The following THAP6 variants were observed in gnomAD, a reference collection of about 807,000 sequenced individuals.
THAP6 encodes THAP domain containing 6, also known as THAP domain-containing protein 6.
A neutral mutation model predicts 20.0 loss-of-function variants in THAP6; 13 were observed. The observed-to-expected ratio is 0.65, with a 90% CI of 0.42 to 1.03. THAP6 has a LOEUF of 1.03. Among genes scored for constraint, THAP6 ranks in the 50% least tolerant of loss-of-function variants. The probability of loss-of-function intolerance (pLI) is 0.00; values close to 1 mark genes in which losing one functional copy is unlikely to be tolerated. For synonymous variants in THAP6, 93 were observed against 92.2 expected (o/e 1.01, Z -0.05); for missense variants, 262 against 261.6 (o/e 1.00, Z -0.01).
chr4:75,527,133 C>G lies in THAP6; in HGVS notation c.588C>G (p.Ile196Met), dbSNP rs1490695850. The G allele has an allele frequency of 6.2e-7, 1 of 1,614,122 alleles. No individual in the cohort carries two copies. Among genetic ancestry groups the G allele is most frequent in the South Asian group, 1.1e-5 (1 of 91,074 alleles). The change falls in exon 5 of 5, where the codon ATC becomes ATG. Residue 196 changes from isoleucine to methionine, a missense_variant. Physicochemically the swap from Ile to Met is conservative, Grantham distance 10. Transcript: ENST00000311638. ...TIRELKDECL[I>M]SQETANRLDT... ...GGGAATTAAAGGATGAATGTCTGAT[C>G]AGCCAAGAAACAGCAAATAGACTGG...
chr4:75,514,085 T>G, upstream of THAP6: 1 of 1,490,276 alleles, frequency 6.7e-7, no homozygotes, highest in Non-Finnish European at 9.1e-7. Flanking sequence ...GGAAAAGGTA[T>G]CCTGAAAATC....
chr4:75,523,878 T>G (rs1726197921), intron 4 of THAP6, among the ~76,000 whole-genome samples: 1 of 151,968 alleles, frequency 6.6e-6, no homozygotes, highest in Non-Finnish European at 1.5e-5. Context: ...TGTTTTCTTG[T>G]AGTCGTTTCA....
intron 4 of THAP6, chr4:75,522,451 A>G (rs1726089701): frequency 3.3e-5 from 5 of 152,162 alleles, no homozygotes; most frequent in Admixed American, 2.6e-4. Flanking sequence ...AAAAAATCCA[A>G]TTATACTTTT....
rs773735442 is a variant in THAP6, at chr4:75,527,054, G to C, written c.509G>C (p.Arg170Pro). Residue 170 changes from arginine to proline, a missense_variant, in exon 5 of 5, where the codon CGG (arginine) becomes CCG (proline). By Grantham distance (103) the Arg-to-Pro change is moderately radical. Transcript: ENST00000311638. Reference sequence around the variant, plus strand: ...CTAGAGGATACAAAGGAAAGTCTACGGAATGTTTTAGACCGAGAAAAACGT... The same window carrying C: ...CTAGAGGATACAAAGGAAAGTCTACCGAATGTTTTAGACCGAGAAAAACGT... ...GELEDTKESL[R>P]NVLDREKRFQ... 5 of 1,614,012 alleles carry C rather than the reference G, an allele frequency of 3.1e-6. No individual in the cohort carries two copies. In the South Asian group the frequency reaches 5.5e-5, roughly 18 times the overall value.
chr4:75,539,785 T>A (rs1489707634), intron 2 of THAP6: 69 of 1,526,550 alleles, frequency 4.5e-5, no homozygotes, highest in Non-Finnish European at 5.3e-5. Context: ...TTTCATTGCG[T>A]ATAAAACGTA....
Position 75,529,706 on chromosome 4 carries a change from A to T in THAP6, c.*2492A>T. The T allele has an allele frequency of 2.0e-6, 2 of 985,452 alleles. No individual in the cohort carries two copies. Among genetic ancestry groups the T allele is most frequent in the South Asian group, 4.7e-5 (1 of 21,286 alleles). 61.0% of individuals were successfully genotyped at this position (985,452 alleles called of 1,614,324 possible). ...TTCTCTGGCAGCCAAGCCTGACCCTAAGGGTTCCACTTTGCTTTAAAAGCT... is the reference window on the plus strand; with the variant it reads ...TTCTCTGGCAGCCAAGCCTGACCCTTAGGGTTCCACTTTGCTTTAAAAGCT... On this transcript the variant is annotated 3_prime_UTR_variant, in exon 5 of 5. Coordinates refer to ENST00000311638, the MANE Select transcript of THAP6 (RefSeq NM_144721.6).
intron 4 of THAP6, among the ~76,000 whole-genome samples, chr4:75,526,470 A>C (rs1340013162): frequency 6.6e-6 from 1 of 152,214 alleles, no homozygotes; most frequent in Non-Finnish European, 1.5e-5. Flanking sequence ...AAACACCAAG[A>C]GGAGTTGTCT....
chr4:75,527,255 A>G lies in THAP6; in HGVS notation c.*41A>G, dbSNP rs1464265670. The G allele has an allele frequency of 1.9e-6, 3 of 1,573,870 alleles. No homozygotes were observed. The highest frequency in any genetic ancestry group is 1.2e-5 in the South Asian group (1 of 85,596). ...CGTTCCACCTAAAATTGTCATTGGT[A>G]CAAATTTTTATAAAATCTCATTTAC... is the stretch of plus-strand genomic sequence containing the variant. On this transcript the variant is annotated 3_prime_UTR_variant, in exon 5 of 5. Coordinates refer to ENST00000311638, the MANE Select transcript of THAP6 (RefSeq NM_144721.6).
chr4:75,543,770 G>A (rs867860220), intron 3 of THAP6, among the ~76,000 whole-genome samples: 8 of 152,222 alleles, frequency 5.3e-5, no homozygotes, highest in South Asian at 4.1e-4. Context: ...AGAGAAGAGA[G>A]TAGGCTGGCT....
intron 2 of THAP6, chr4:75,540,060 C>T: frequency 7.4e-7 from 1 of 1,343,652 alleles, no homozygotes; most frequent in South Asian, 1.4e-5. Flanking sequence ...AATCACCATC[C>T]TCCTCTTCAT....
At chr4:75,521,310 A>AGGTTGTATATATATTCAGT (rs1726011057) in intron 3 of THAP6, among the ~76,000 whole-genome samples, 1 of 151,856 alleles carries the variant, frequency 6.6e-6, no homozygotes, top group Non-Finnish European at 1.5e-5. Context: ...GTGGTTTATT[A>AGGTTGTATATATATTCAGT]TGTATAAAGG....
intron 2 of THAP6, among the ~76,000 whole-genome samples, chr4:75,541,825 A>C (rs1181477151): frequency 6.6e-6 from 1 of 152,086 alleles, no homozygotes; most frequent in Non-Finnish European, 1.5e-5. Context: ...GCATGGTAGC[A>C]GGCACCTGTA....
chr4:75,527,426 A>G lies in THAP6; in HGVS notation c.*212A>G, dbSNP rs1157268291. Reference sequence around the variant, plus strand: ...TTGTGTCTTGTGACAATTATGTTTTATAGACCTACACTAGTGCCAGGTCAC... The same window carrying G: ...TTGTGTCTTGTGACAATTATGTTTTGTAGACCTACACTAGTGCCAGGTCAC... On this transcript the variant is annotated 3_prime_UTR_variant, in exon 5 of 5. Coordinates refer to ENST00000311638, the MANE Select transcript of THAP6 (RefSeq NM_144721.6). 2 of 1,367,112 alleles carry G rather than the reference A, an allele frequency of 1.5e-6. No homozygotes were observed. The highest frequency in any genetic ancestry group is 2.9e-5 in the African/African-American group (2 of 68,618). 84.7% of individuals were successfully genotyped at this position (1,367,112 alleles called of 1,614,324 possible).
chr4:75,514,286 T>C, upstream of THAP6: 1 of 1,611,802 alleles, frequency 6.2e-7, no homozygotes, highest in Non-Finnish European at 8.5e-7. Flanking sequence ...GTCGCCGCCA[T>C]CTCCTCCACC....
chr4:75,521,312 G>A (rs1388264776), intron 3 of THAP6, among the ~76,000 whole-genome samples: 1 of 151,724 alleles, frequency 6.6e-6, no homozygotes, highest in Non-Finnish European at 1.5e-5. Flanking sequence ...GGTTTATTAT[G>A]TATAAAGGAT....
intron 4 of THAP6, among the ~76,000 whole-genome samples, chr4:75,524,568 A>G (rs1470429500): frequency 6.6e-6 from 1 of 152,146 alleles, no homozygotes; most frequent in Non-Finnish European, 1.5e-5. Context: ...CTAGGTAATC[A>G]AATTCTAGGT....
In THAP6 at chr4:75,529,985, C is replaced by A; in HGVS notation, c.*2771C>A. 1 of 894,040 alleles carries A rather than the reference C, an allele frequency of 1.1e-6. No individual in the cohort carries two copies. The highest frequency in any genetic ancestry group is 1.3e-6 in the Non-Finnish European group (1 of 747,654). The allele number at this position is 894,040 out of a possible 1,614,324, so 55.4% of individuals were successfully genotyped here. A position where few individuals can be genotyped will look rare whatever the true frequency, so the allele number is the denominator to read the frequency against. On this transcript the variant is annotated 3_prime_UTR_variant, in exon 5 of 5. Coordinates refer to ENST00000311638, the MANE Select transcript of THAP6 (RefSeq NM_144721.6). The stretch of plus-strand genomic sequence containing the variant: ...CAGAAATAATTGAGAGAGAGAAAAT[C>A]TATTATAATTTATTTGAAAAATAAA...
chr4:75,536,642 G>T (rs1726864406), intron 2 of THAP6, among the ~76,000 whole-genome samples: 1 of 151,994 alleles, frequency 6.6e-6, no homozygotes. Context: ...CTCCCACCTG[G>T]GACTACAGGT....
intron 4 of THAP6, 98 bp from the exon 5 acceptor site, chr4:75,526,862 C>A (rs958692656): frequency 6.7e-7 from 1 of 1,488,674 alleles, no homozygotes; most frequent in Non-Finnish European, 9.0e-7. Flanking sequence ...AAAATGTTCT[C>A]CAGGCATTGT....
Sources: gnomAD v4.1 joint callset for allele counts (sites outside exome capture counted in the v4.1 genomes callset) on GRCh38, gnomAD v4.1.1 for gene constraint, MANE v1.5 for transcripts, NCBI Gene and HGNC (gene_info 2026-07-23, HGNC 2026-07-21) for gene names.